The following EYA2 variants were observed in gnomAD, a reference collection of about 807,000 sequenced individuals.
EYA2 encodes the protein protein phosphatase EYA2.
Under a neutral mutation model 69.2 loss-of-function variants are expected in EYA2, and 31 were observed. That is an observed-to-expected ratio of 0.45 (90% CI 0.34 to 0.60). The LOEUF is 0.60. EYA2 is among the 20% of genes least tolerant of loss of function. The pLI, the probability that EYA2 is intolerant of heterozygous loss-of-function variation, is 0.02. For synonymous variants in EYA2, 257 were observed against 279.4 expected (o/e 0.92, Z 0.80); for missense variants, 622 against 701.2 (o/e 0.89, Z 1.28).
chr20:46,908,888 T>A (rs1043665628), intron 1 of EYA2, among the ~76,000 whole-genome samples: 1 of 139,710 alleles, frequency 7.2e-6, no homozygotes, highest in African/African-American at 2.7e-5. Context: ...TTTTTTTTTT[T>A]TTTTTTTTTT....
intron 9 of EYA2, among the ~76,000 whole-genome samples, chr20:47,126,702 T>G (rs6094602): frequency 0.18 from 27,055 of 152,212 alleles, 2,413 homozygotes; most frequent in Middle Eastern, 0.24. Flanking sequence ...ACCAAGCTTT[T>G]TCATTATTTT....
At chr20:47,089,666 G>C (rs913646729) in intron 8 of EYA2, among the ~76,000 whole-genome samples, 1 of 152,182 alleles carries the variant, frequency 6.6e-6, no homozygotes, top group African/African-American at 2.4e-5. Context: ...CAATTCAGCA[G>C]ATCTGGGGCA....
At chr20:46,977,091 A>G (rs1980508373) in intron 1 of EYA2, among the ~76,000 whole-genome samples, 1 of 152,244 alleles carries the variant, frequency 6.6e-6, no homozygotes, top group Non-Finnish European at 1.5e-5. Context: ...TCCTGGAACA[A>G]GATGTACAAG....
intron 8 of EYA2, among the ~76,000 whole-genome samples, chr20:47,096,475 G>C (rs1177380217): frequency 6.6e-6 from 1 of 152,118 alleles, no homozygotes; most frequent in Non-Finnish European, 1.5e-5. Context: ...CATATCGATA[G>C]CTCCATGTTT....
intron 1 of EYA2, among the ~76,000 whole-genome samples, chr20:46,958,063 C>T (rs1979243753): frequency 6.6e-6 from 1 of 152,170 alleles, no homozygotes. Context: ...ATCGCTAAGA[C>T]TTATCACCAT....
chr20:46,941,619 C>T (rs1986157251), intron 1 of EYA2, among the ~76,000 whole-genome samples: 1 of 152,214 alleles, frequency 6.6e-6, no homozygotes, highest in South Asian at 2.1e-4. Context: ...TACCTTCCCT[C>T]TCTGTGCCTC....
chr20:46,934,903 G>C (rs1361967999), intron 1 of EYA2, among the ~76,000 whole-genome samples: 1 of 152,234 alleles, frequency 6.6e-6, no homozygotes, highest in Non-Finnish European at 1.5e-5. Flanking sequence ...GTGATTCAAA[G>C]AGGAAAGAGC....
intron 9 of EYA2, among the ~76,000 whole-genome samples, chr20:47,105,316 G>C (rs1198702169): frequency 6.6e-6 from 1 of 152,122 alleles, no homozygotes; most frequent in African/African-American, 2.4e-5. Context: ...TTTCTACATG[G>C]CTCCTTTATT....
chr20:46,989,871 G>A (rs1981538150), intron 1 of EYA2, 130 bp from the exon 2 acceptor site: 2 of 492,110 alleles, frequency 4.1e-6, no homozygotes, highest in South Asian at 7.2e-5. Context: ...TTTTTATCAT[G>A]TAGAATTTAT....
At chr20:46,967,520 G>A (rs767217986) in intron 1 of EYA2, among the ~76,000 whole-genome samples, 1 of 152,226 alleles carries the variant, frequency 6.6e-6, no homozygotes, top group Non-Finnish European at 1.5e-5. Flanking sequence ...CTTCCTGGAA[G>A]CAGTGACTTT....
chr20:46,910,063 T>C (rs1984568301), intron 1 of EYA2, among the ~76,000 whole-genome samples: 1 of 152,158 alleles, frequency 6.6e-6, no homozygotes, highest in Non-Finnish European at 1.5e-5. Context: ...ATCTTAAGGG[T>C]GGGTCATCTG....
intron 2 of EYA2, among the ~76,000 whole-genome samples, chr20:46,993,109 G>A (rs1981787454): frequency 6.6e-6 from 1 of 152,182 alleles, no homozygotes; most frequent in African/African-American, 2.4e-5. Context: ...CTTACCAGCT[G>A]TGGGACCCTG....
At chr20:46,964,860 C>G (rs1407630668) in intron 1 of EYA2, among the ~76,000 whole-genome samples, 1 of 152,152 alleles carries the variant, frequency 6.6e-6, no homozygotes, top group Non-Finnish European at 1.5e-5. Flanking sequence ...GGGAGCCAAG[C>G]TGCTTGGGTT....
chr20:47,155,345 A>G (rs911093753), intron 10 of EYA2, among the ~76,000 whole-genome samples: 5 of 151,970 alleles, frequency 3.3e-5, no homozygotes, highest in African/African-American at 1.2e-4. Flanking sequence ...TGTGCAAGGG[A>G]TCTGAATGCA....
At chr20:46,968,658 G>A (rs768772524) in intron 1 of EYA2, among the ~76,000 whole-genome samples, 16 of 151,948 alleles carry the variant, frequency 1.1e-4, no homozygotes, top group Non-Finnish European at 2.2e-4. Flanking sequence ...TGTGTGTTAC[G>A]GGATTTTAGT....
In EYA2 at chr20:47,172,894, G is replaced by A. The variant is rs141635304; in HGVS notation, c.1198+27G>A. On this transcript the variant is annotated intron_variant, in intron 12 of 15. Coordinates refer to ENST00000327619, the MANE Select transcript of EYA2 (RefSeq NM_005244.5). The stretch of plus-strand genomic sequence containing the variant: ...TGAGTACTGTGAGCCTTGGGCCTCC[G>A]AGGAAGGGAAACTCATTGGGATGGA... 8.0e-5 allele frequency: 127 copies of A among 1,585,490 alleles called. 1 individual carries two copies. The East Asian group carries it at 2.1e-3, about 26-fold the overall frequency.
chr20:46,981,057 A>T (rs1243134051), intron 1 of EYA2, among the ~76,000 whole-genome samples: 1 of 152,206 alleles, frequency 6.6e-6, no homozygotes, highest in Non-Finnish European at 1.5e-5. Flanking sequence ...CTCATGGCAG[A>T]ACAGGATAAG....
intron 1 of EYA2, among the ~76,000 whole-genome samples, chr20:46,908,153 C>G (rs1195053767): frequency 6.6e-6 from 1 of 152,178 alleles, no homozygotes; most frequent in Non-Finnish European, 1.5e-5. Flanking sequence ...GTGCCAGGCC[C>G]TACTCTGGAC....
intron 10 of EYA2, among the ~76,000 whole-genome samples, chr20:47,162,905 C>T (rs559043256): frequency 8.4e-4 from 128 of 152,242 alleles, no homozygotes; most frequent in African/African-American, 3.1e-3. Flanking sequence ...TATGAAACTG[C>T]TGCTTCCAGC....
Sources: allele counts gnomAD v4.1 joint callset (sites outside exome capture counted in the v4.1 genomes callset), GRCh38; gene constraint gnomAD v4.1.1; transcripts MANE v1.5; gene names NCBI Gene and HGNC (gene_info 2026-07-23, HGNC 2026-07-21).